The following PUDP variants were observed in gnomAD, a reference collection of about 807,000 sequenced individuals.
The protein encoded by PUDP is pseudouridine-5'-phosphatase.
In PUDP, 8 loss-of-function variants were observed where a neutral mutation model predicts 9.4. That is an observed-to-expected ratio of 0.85 (90% CI 0.50 to 1.53). The LOEUF (loss-of-function observed/expected upper bound fraction) is 1.53. Ranked by LOEUF, PUDP falls within the 40% of genes most tolerant of loss-of-function variation. PUDP has a pLI of 0.00. For synonymous variants in PUDP, 99 were observed against 80.7 expected, an observed-to-expected ratio of 1.23 and a Z score of -1.22; for missense variants, 188 against 189.7, an observed-to-expected ratio of 0.99 and a Z score of 0.05.
At chrX:6,840,866 T>C (rs934954869) in intron 3 of PUDP, among the ~76,000 whole-genome samples, 1 of 110,642 alleles carries the variant, frequency 9.0e-6, no homozygotes, top group Non-Finnish European at 1.9e-5. Context: ...AGGAAGTATA[T>C]GGAAACTCTC....
chrX:6,806,589 A>G (rs1351986363), intron 3 of PUDP, among the ~76,000 whole-genome samples: 1 of 112,207 alleles, frequency 8.9e-6, no homozygotes, highest in East Asian at 2.8e-4. Context: ...TCAGCCTTCC[A>G]AAGTGCTGGG....
At chrX:7,020,414 A>C (rs1238731867) in intron 1 of PUDP, among the ~76,000 whole-genome samples, 2 of 109,326 alleles carry the variant, frequency 1.8e-5, no homozygotes, top group Non-Finnish European at 3.8e-5. Context: ...CATGAGTTAG[A>C]GCTGTCCTCA....
chrX:7,008,820 T>C (rs1183310398), intron 1 of PUDP, among the ~76,000 whole-genome samples: 2 of 112,428 alleles, frequency 1.8e-5, no homozygotes, highest in Non-Finnish European at 3.7e-5. Flanking sequence ...GAAAATAGCA[T>C]TTGGAGCAGT....
At chrX:7,074,587 G>A (rs923581599) in intron 3 of PUDP, among the ~76,000 whole-genome samples, 2 of 112,190 alleles carry the variant, frequency 1.8e-5, no homozygotes, top group Non-Finnish European at 3.8e-5. Context: ...TACTCTGATC[G>A]CTTCTGGGAC....
intron 3 of PUDP, among the ~76,000 whole-genome samples, chrX:7,062,590 T>C (rs886545549): frequency 1.8e-5 from 2 of 109,460 alleles, no homozygotes; most frequent in Admixed American, 2.0e-4. Flanking sequence ...AAAATAAACA[T>C]TGTACTGGGG....
chrX:6,875,676 G>A (rs1927242643), intron 3 of PUDP, among the ~76,000 whole-genome samples: 1 of 111,517 alleles, frequency 9.0e-6, no homozygotes, highest in Non-Finnish European at 1.9e-5. Flanking sequence ...CTCTCCATCT[G>A]CCTCAACTAC....
chrX:6,910,203 A>G (rs1368015406), intron 3 of PUDP, among the ~76,000 whole-genome samples: 1 of 112,256 alleles, frequency 8.9e-6, no homozygotes, highest in African/African-American at 3.2e-5. Context: ...CCGTAGCCCC[A>G]GGGAGCAGAA....
intron 3 of PUDP, among the ~76,000 whole-genome samples, chrX:6,778,138 G>T (rs1209098692): frequency 3.6e-5 from 4 of 111,837 alleles, no homozygotes. Flanking sequence ...GAAACAGCTC[G>T]ACAGACTGCT....
intron 2 of PUDP, among the ~76,000 whole-genome samples, chrX:7,081,169 T>C (rs1018312626): frequency 8.9e-6 from 1 of 111,891 alleles, no homozygotes; most frequent in Non-Finnish European, 1.9e-5. Context: ...ATTTTATTAT[T>C]ATTGTTTTGA....
chrX:7,136,696 AC>A (rs60135390), intron 1 of PUDP, among the ~76,000 whole-genome samples: 20,346 of 71,456 alleles, frequency 0.28, 2,001 homozygotes, highest in Admixed American at 0.42. Context: ...TGCCAGTGGG[AC>A]CCCCCCCCCC....
chrX:6,873,808 C>T (rs1206468141), intron 3 of PUDP, among the ~76,000 whole-genome samples: 1 of 111,795 alleles, frequency 8.9e-6, no homozygotes, highest in Non-Finnish European at 1.9e-5. Flanking sequence ...GCATTATATG[C>T]TGACATAACC....
At chrX:7,017,952 A>C (rs1443108254) in intron 1 of PUDP, among the ~76,000 whole-genome samples, 2 of 111,753 alleles carry the variant, frequency 1.8e-5, no homozygotes, top group Non-Finnish European at 3.8e-5. Flanking sequence ...GAAGCTGGCT[A>C]AAACCCACCA....
chrX:7,017,956 C>A (rs1353999667), intron 1 of PUDP, among the ~76,000 whole-genome samples: 1 of 111,647 alleles, frequency 9.0e-6, no homozygotes, highest in Non-Finnish European at 1.9e-5. Context: ...CTGGCTAAAA[C>A]CCACCAAAAC....
Position 6,910,757 on chromosome X carries a change from A to G in PUDP, c.*247+66376T>C, listed in dbSNP as rs1927837028. 2.7e-5 allele frequency among the ~76,000 whole-genome samples: 3 copies of G among 112,540 alleles called. No homozygotes were observed. In the Admixed American group the frequency reaches 2.8e-4, roughly 11 times the overall value. ...TGGGGTGCACACCTGCAAAAATCAC[A>G]GAGCACAGGGTTCAAGGACCCACCA... On this transcript the variant is annotated intron_variant and NMD_transcript_variant, in intron 3 of 3. Coordinates refer to the PUDP transcript ENST00000655425.
chrX:7,020,635 T>G (rs1027532368), intron 1 of PUDP, among the ~76,000 whole-genome samples: 8 of 112,437 alleles, frequency 7.1e-5, no homozygotes, highest in African/African-American at 2.6e-4. Context: ...TGTATTCATT[T>G]TCCCTGTCAT....
intron 3 of PUDP, among the ~76,000 whole-genome samples, chrX:6,876,882 GAC>G (rs1927269648): frequency 9.4e-6 from 1 of 106,781 alleles, no homozygotes; most frequent in African/African-American, 3.4e-5. Context: ...TATAAATATA[GAC>G]ACATATACAT....
chrX:6,932,736 C>T (rs1452793274), intron 3 of PUDP, among the ~76,000 whole-genome samples: 2 of 111,342 alleles, frequency 1.8e-5, no homozygotes, highest in Non-Finnish European at 3.8e-5. Flanking sequence ...GGGTGACGGA[C>T]GCACCTGGAA....
chrX:6,942,301 T>C, intron 3 of PUDP, among the ~76,000 whole-genome samples: 1 of 112,264 alleles, frequency 8.9e-6, no homozygotes, highest in Non-Finnish European at 1.9e-5. Context: ...ATTATTCTAA[T>C]ACTGAATTAT....
intron 1 of PUDP, among the ~76,000 whole-genome samples, chrX:7,037,199 G>A (rs1929864895): frequency 9.0e-6 from 1 of 111,600 alleles, no homozygotes; most frequent in Non-Finnish European, 1.9e-5. Flanking sequence ...GTTATCTCTG[G>A]GATTTTTCTC....
Sources: allele counts gnomAD v4.1 joint callset (sites outside exome capture counted in the v4.1 genomes callset), GRCh38; gene constraint gnomAD v4.1.1; transcripts MANE v1.5; gene names NCBI Gene and HGNC (gene_info 2026-07-23, HGNC 2026-07-21).